Variants in HS6ST3 observed in about 807,000 individuals in gnomAD.
HS6ST3 encodes the protein heparan-sulfate 6-O-sulfotransferase 3.
Under a neutral mutation model 36.7 loss-of-function variants are expected in HS6ST3, and 12 were observed. That is an observed-to-expected ratio of 0.33 (90% CI 0.21 to 0.53). The LOEUF is 0.53. Ranked by LOEUF, HS6ST3 falls within the 20% of genes least tolerant of loss-of-function variation. HS6ST3 has a pLI of 0.95. For synonymous variants in HS6ST3, 240 were observed against 257.5 expected (o/e 0.93, Z 0.65); for missense variants, 584 against 640.9 (o/e 0.91, Z 0.96).
At chr13:96,779,175 G>C (rs1339747796) in intron 1 of HS6ST3, among the ~76,000 whole-genome samples, 4 of 152,064 alleles carry the variant, frequency 2.6e-5, no homozygotes, top group African/African-American at 7.2e-5. Context: ...ATTGATGAGT[G>C]GGGGGCTAGG....
intron 1 of HS6ST3, among the ~76,000 whole-genome samples, chr13:96,683,491 T>C (rs2056725142): frequency 6.6e-6 from 1 of 152,090 alleles, no homozygotes; most frequent in South Asian, 2.1e-4. Flanking sequence ...TATTTCATCA[T>C]TGGTTTAATA....
At chr13:96,142,717 A>G (rs959584457) in intron 1 of HS6ST3, among the ~76,000 whole-genome samples, 3 of 152,182 alleles carry the variant, frequency 2.0e-5, no homozygotes, top group African/African-American at 7.2e-5. Context: ...TGGTAAACAT[A>G]TATGTCAGAA....
At chr13:96,475,612 C>CAA (rs1251970502) in intron 1 of HS6ST3, among the ~76,000 whole-genome samples, 3,035 of 91,298 alleles carry the variant, frequency 0.033, 61 homozygotes, top group African/African-American at 0.095. Context: ...GGAGTACTAC[C>CAA]AAAAAAAAAA....
At position 96,095,863 on chromosome 13, in the gene HS6ST3, G is replaced by GGTGTGTGTGTGTGT. The variant is rs141939376; in HGVS notation, c.707+4321_707+4334dup. ...GTATCACAGAACCATTTATATGACT[G>GGTGTGTGTGTGTGT]GTGTGTGTGTGTGTGTGTGTGTGTG... On this transcript the variant is annotated intron_variant, in intron 1 of 1. Transcript: ENST00000376705. Among the ~76,000 whole-genome samples the GGTGTGTGTGTGTGT allele has an allele frequency of 9.4e-3, 1,321 of 140,376 alleles. 11 individuals carry two copies. The highest frequency in any genetic ancestry group is 0.01 in the Non-Finnish European group (677 of 65,110). The allele number at this position is 140,376 out of a possible 152,430, so 92.1% of individuals were successfully genotyped here. A position where few individuals can be genotyped will look rare whatever the true frequency, so the allele number is the denominator to read the frequency against.
At chr13:96,789,226 AC>A (rs1877723285) in intron 1 of HS6ST3, among the ~76,000 whole-genome samples, 1 of 151,790 alleles carries the variant, frequency 6.6e-6, no homozygotes, top group African/African-American at 2.4e-5. Flanking sequence ...TAGATACTTA[AC>A]TTTTTATAGT....
At chr13:96,212,447 C>G (rs2054403551) in intron 1 of HS6ST3, among the ~76,000 whole-genome samples, 1 of 152,198 alleles carries the variant, frequency 6.6e-6, no homozygotes, top group Non-Finnish European at 1.5e-5. Flanking sequence ...GGAAAATTCT[C>G]TGAATCTTAT....
At chr13:96,711,622 T>G (rs1260461344) in intron 1 of HS6ST3, among the ~76,000 whole-genome samples, 1 of 152,166 alleles carries the variant, frequency 6.6e-6, no homozygotes, top group African/African-American at 2.4e-5. Flanking sequence ...ATTCATGTAT[T>G]TTTTTCTCCT....
intron 1 of HS6ST3, among the ~76,000 whole-genome samples, chr13:96,731,108 C>A (rs1007149609): frequency 3.3e-5 from 5 of 152,342 alleles, no homozygotes; most frequent in African/African-American, 1.2e-4. Context: ...TTAACATCCA[C>A]TCTGTTAGCA....
Position 96,328,018 on chromosome 13 carries a change from C to G in HS6ST3, c.707+236449C>G, listed in dbSNP as rs1483458251. Among the ~76,000 whole-genome samples the G allele has an allele frequency of 2.4e-3, 341 of 144,544 alleles. 2 individuals carry two copies. Among genetic ancestry groups the G allele is most frequent in the African/African-American group, 5.3e-3 (202 of 38,442 alleles). The allele number at this position is 144,544 out of a possible 152,430, so 94.8% of individuals were successfully genotyped here. A position where few individuals can be genotyped will look rare whatever the true frequency, so the allele number is the denominator to read the frequency against. ...GTGTATAAGAATGCTTGTGATTTTT[C>G]TACATTGATTTTGTATCCTGAGACT... On this transcript the variant is annotated intron_variant, in intron 1 of 1. Transcript: ENST00000376705.
intron 1 of HS6ST3, among the ~76,000 whole-genome samples, chr13:96,728,459 C>A (rs1263941464): frequency 2.6e-5 from 4 of 152,116 alleles, no homozygotes. Context: ...TCAGGGGACA[C>A]CTTAAATATT....
At chr13:96,106,922 A>G (rs1033603723) in intron 1 of HS6ST3, among the ~76,000 whole-genome samples, 3 of 152,232 alleles carry the variant, frequency 2.0e-5, no homozygotes, top group Admixed American at 6.5e-5. Context: ...GAGATCTGTG[A>G]TTATACATTT....
chr13:96,827,781 C>T (rs1878681245), intron 1 of HS6ST3, among the ~76,000 whole-genome samples: 1 of 152,100 alleles, frequency 6.6e-6, no homozygotes, highest in Non-Finnish European at 1.5e-5. Flanking sequence ...GAACCAAAAC[C>T]ATTTTAAGCC....
intron 1 of HS6ST3, among the ~76,000 whole-genome samples, chr13:96,785,274 C>A (rs1473691844): frequency 3.3e-5 from 5 of 152,128 alleles, no homozygotes; most frequent in Non-Finnish European, 5.9e-5. Flanking sequence ...TGGATGCTAA[C>A]CTATGCTAGT....
intron 1 of HS6ST3, among the ~76,000 whole-genome samples, chr13:96,830,088 A>G (rs1461409391): frequency 6.6e-6 from 1 of 152,160 alleles, no homozygotes; most frequent in East Asian, 1.9e-4. Flanking sequence ...TATTTAATAA[A>G]CATATGAGAT....
At chr13:96,726,507 C>G (rs1876009229) in intron 1 of HS6ST3, among the ~76,000 whole-genome samples, 1 of 152,092 alleles carries the variant, frequency 6.6e-6, no homozygotes, top group Admixed American at 6.5e-5. Flanking sequence ...CAAATTCCTA[C>G]TTTTTGTTGC....
chr13:96,279,800 AT>A (rs1235677953), intron 1 of HS6ST3, among the ~76,000 whole-genome samples: 2 of 152,112 alleles, frequency 1.3e-5, no homozygotes, highest in Non-Finnish European at 2.9e-5. Flanking sequence ...ATTGGGAGTA[AT>A]TTGGCAATGT....
At chr13:96,674,136 C>G (rs886994814) in intron 1 of HS6ST3, among the ~76,000 whole-genome samples, 1 of 151,912 alleles carries the variant, frequency 6.6e-6, no homozygotes, top group Non-Finnish European at 1.5e-5. Flanking sequence ...GTGTGGCTTC[C>G]CCTTGCTGTT....
intron 1 of HS6ST3, among the ~76,000 whole-genome samples, chr13:96,587,537 A>G (rs1251284218): frequency 6.6e-6 from 1 of 152,234 alleles, no homozygotes; most frequent in Non-Finnish European, 1.5e-5. Context: ...AAACTGCATC[A>G]TTACAAGATG....
At chr13:96,548,663 T>G (rs2138946896) in intron 1 of HS6ST3, among the ~76,000 whole-genome samples, 1 of 152,274 alleles carries the variant, frequency 6.6e-6, no homozygotes, top group South Asian at 2.1e-4. Flanking sequence ...TTGGCTTGTG[T>G]CCAAAATCTG....
Sources: allele counts gnomAD v4.1 joint callset (sites outside exome capture counted in the v4.1 genomes callset), GRCh38; gene constraint gnomAD v4.1.1; transcripts MANE v1.5; gene names NCBI Gene and HGNC (gene_info 2026-07-23, HGNC 2026-07-21).